The following OSBPL2 variants were observed in gnomAD, a reference collection of about 807,000 sequenced individuals.
The protein encoded by OSBPL2 is oxysterol binding protein like 2.
OSBPL2 carries 18 observed loss-of-function variants against 58.4 expected under a neutral mutation model. That is an observed-to-expected ratio of 0.31 (90% CI 0.21 to 0.46). The LOEUF (loss-of-function observed/expected upper bound fraction) is 0.46. Ranked by LOEUF, OSBPL2 falls within the 20% of genes least tolerant of loss-of-function variation. OSBPL2 has a pLI of 1.00. For synonymous variants in OSBPL2, 221 were observed against 234.1 expected (o/e 0.94, Z 0.51); for missense variants, 461 against 616.5 (o/e 0.75, Z 2.67).
intron 13 of OSBPL2, among the ~76,000 whole-genome samples, chr20:62,293,310 C>T (rs533846420): frequency 1.2e-4 from 18 of 152,208 alleles, no homozygotes; most frequent in Non-Finnish European, 2.2e-4. Flanking sequence ...GAGTGCCAGC[C>T]GGGGGCTGTG....
Position 62,241,245 on chromosome 20 carries a change from A to G in OSBPL2, c.-129+2648A>G, listed in dbSNP as rs370731242. Among the ~76,000 whole-genome samples, 13 of 152,024 alleles carry G rather than the reference A, an allele frequency of 8.6e-5. No homozygotes were observed. In the East Asian group the frequency reaches 2.1e-3, roughly 25 times the overall value. ...GAGTGCAGTGGCGCGAACTCGGCTC[A>G]CTGCAAACGCGAACTCAGCTCACTG... On this transcript the variant is annotated intron_variant, in intron 1 of 13. Transcript: ENST00000313733.
chr20:62,256,635 C>T (rs1234051801), intron 2 of OSBPL2, among the ~76,000 whole-genome samples: 4 of 152,188 alleles, frequency 2.6e-5, no homozygotes, highest in Admixed American at 6.5e-5. Context: ...TTTTTTCTTT[C>T]GCACGATGGT....
Position 62,273,919 on chromosome 20 carries a change from C to A in OSBPL2, c.491+513C>A, listed in dbSNP as rs1468045669. ...TTTAGGAAGGGTCAGACGGCTCTGG[C>A]CAAGGGAGAGTTAACCAGACCACGC... On this transcript the variant is annotated intron_variant, in intron 6 of 13. Coordinates refer to ENST00000313733, the MANE Select transcript of OSBPL2 (RefSeq NM_144498.4). 3.9e-5 allele frequency among the ~76,000 whole-genome samples: 6 copies of A among 152,202 alleles called. 1 individual carries two copies. The highest frequency in any genetic ancestry group is 3.3e-4 in the Admixed American group (5 of 15,288).
chr20:62,272,656 C>T (rs570142214), intron 5 of OSBPL2, among the ~76,000 whole-genome samples: 2 of 152,248 alleles, frequency 1.3e-5, no homozygotes, highest in South Asian at 2.1e-4. Context: ...CCCAACACTT[C>T]GGGAGGCTGA....
Position 62,260,087 on chromosome 20 carries a change from G to A in OSBPL2, c.144G>A (p.Gly48=), listed in dbSNP as rs1042266944. The change falls in exon 3 of 14, where the codon GGG becomes GGA. Residue 48 remains glycine (G), a synonymous_variant. Coordinates refer to ENST00000313733, the MANE Select transcript of OSBPL2 (RefSeq NM_144498.4). ...AAAATAATAGGATTGGGAAAACTGG[G>A]GAGAGGCCCTCTCAAGAGAACGGAA... ...TSKNNRIGKT[G]ERPSQENGIQ... is the part of the protein sequence containing the mutation. 2 of 1,613,808 alleles carry A rather than the reference G, an allele frequency of 1.2e-6. No homozygotes were observed. The highest frequency in any genetic ancestry group is 8.5e-7 in the Non-Finnish European group (1 of 1,179,878).
At chr20:62,272,459 T>G (rs1982125086) in intron 5 of OSBPL2, among the ~76,000 whole-genome samples, 200 bp downstream of exon 5, 1 of 152,100 alleles carries the variant, frequency 6.6e-6, no homozygotes, top group African/African-American at 2.4e-5. Context: ...GAAATGCCAT[T>G]GAGCTCTCAG....
chr20:62,251,865 C>CTTTTTTTTTTTTTTTTTTTTTTT lies in OSBPL2; in HGVS notation c.-128-4183_-128-4161dup, dbSNP rs147891445. ...TCAAGCGTCATTTTAATTGGTATGC[C>CTTTTTTTTTTTTTTTTTTTTTTT]TTTTTTTTTTTTTTTTTTTTTTTTT... On this transcript the variant is annotated intron_variant, in intron 1 of 13. Coordinates refer to ENST00000313733, the MANE Select transcript of OSBPL2 (RefSeq NM_144498.4). Among the ~76,000 whole-genome samples, 26 of 41,770 alleles carry CTTTTTTTTTTTTTTTTTTTTTTT rather than the reference C, an allele frequency of 6.2e-4. 7 individuals carry two copies. The highest frequency in any genetic ancestry group is 9.1e-4 in the Non-Finnish European group (23 of 25,258). The allele number at this position is 41,770 out of a possible 152,430, so 27.4% of individuals were successfully genotyped here.
At chr20:62,257,641 C>T (rs1236911451) in intron 2 of OSBPL2, among the ~76,000 whole-genome samples, 1 of 152,036 alleles carries the variant, frequency 6.6e-6, no homozygotes, top group Admixed American at 6.6e-5. Flanking sequence ...TCCCTCCTCT[C>T]CTGGGAGTCT....
chr20:62,293,288 C>T (rs1324432640), intron 13 of OSBPL2, among the ~76,000 whole-genome samples: 2 of 152,280 alleles, frequency 1.3e-5, no homozygotes, highest in African/African-American at 2.4e-5. Flanking sequence ...CTAAGGACAC[C>T]CCTCGGGCCC....
At position 62,256,070 on chromosome 20, in the gene OSBPL2, A is replaced by T. The variant is rs1395706208; in HGVS notation, c.-115A>T. The T allele has an allele frequency of 3.9e-6, 5 of 1,297,586 alleles. No homozygotes were observed. The Admixed American group carries it at 1.2e-4, about 31-fold the overall frequency. The allele number at this position is 1,297,586 out of a possible 1,614,324, so 80.4% of individuals were successfully genotyped here. ...TTTTCCCTTTAGATCTTCAGTGTCT[A>T]TTGGATTTTTCCAAGAGAAAGTTTG... On this transcript the variant is annotated 5_prime_UTR_variant, in exon 2 of 14. Coordinates refer to ENST00000313733, the MANE Select transcript of OSBPL2 (RefSeq NM_144498.4).
At chr20:62,257,575 C>G (rs935421966) in intron 2 of OSBPL2, among the ~76,000 whole-genome samples, 1 of 152,160 alleles carries the variant, frequency 6.6e-6, no homozygotes, top group African/African-American at 2.4e-5. Flanking sequence ...CTCTCACACC[C>G]TTGGGCTGAC....
At chr20:62,251,906 G>A (rs1487137474) in intron 1 of OSBPL2, among the ~76,000 whole-genome samples, 3 of 101,910 alleles carry the variant, frequency 2.9e-5, no homozygotes, top group Non-Finnish European at 5.4e-5. Flanking sequence ...TCTGGAGACA[G>A]GGTCTTGCTC....
chr20:62,249,875 CA>C (rs1980405904), intron 1 of OSBPL2, among the ~76,000 whole-genome samples: 2 of 152,236 alleles, frequency 1.3e-5, no homozygotes, highest in South Asian at 4.1e-4. Context: ...CACCTGGCCC[CA>C]CCCAGGCCTC....
At chr20:62,239,329 C>A (rs184217388) in intron 1 of OSBPL2, among the ~76,000 whole-genome samples, 1 of 152,238 alleles carries the variant, frequency 6.6e-6, no homozygotes, top group Non-Finnish European at 1.5e-5. Context: ...TTTTGGTACT[C>A]AGAAGAATAC....
chr20:62,277,962 G>A (rs1017850323), intron 6 of OSBPL2, among the ~76,000 whole-genome samples: 6 of 152,204 alleles, frequency 3.9e-5, no homozygotes, highest in Non-Finnish European at 7.3e-5. Context: ...ACCCCCTTCA[G>A]AAAGGGTTTA....
chr20:62,289,487 C>G (rs146791341), intron 12 of OSBPL2, among the ~76,000 whole-genome samples, 157 bp downstream of exon 12: 379 of 152,372 alleles, frequency 2.5e-3, no homozygotes, highest in African/African-American at 8.1e-3. Context: ...GGCCTTCTAA[C>G]TAGGCTTCTC....
At chr20:62,262,717 CAA>C (rs1052116652) in intron 3 of OSBPL2, among the ~76,000 whole-genome samples, 3 of 152,202 alleles carry the variant, frequency 2.0e-5, no homozygotes, top group Non-Finnish European at 4.4e-5. Context: ...GCAGAGCAGA[CAA>C]GAGCTCGTGC....
chr20:62,286,749 C>T (rs1182926071), intron 11 of OSBPL2, 38 bp downstream of exon 11: 4 of 1,586,496 alleles, frequency 2.5e-6, no homozygotes, highest in Non-Finnish European at 3.4e-6. Flanking sequence ...TCTGCCTGCT[C>T]ATGTCACACC....
chr20:62,280,698 A>G (rs997098012), intron 7 of OSBPL2, among the ~76,000 whole-genome samples: 4 of 152,212 alleles, frequency 2.6e-5, no homozygotes, highest in Admixed American at 6.5e-5. Context: ...CCAGCTCCCC[A>G]GAAAGCCAGG....
Sources: gnomAD v4.1 joint callset for allele counts (sites outside exome capture counted in the v4.1 genomes callset) on GRCh38, gnomAD v4.1.1 for gene constraint, MANE v1.5 for transcripts, NCBI Gene and HGNC (gene_info 2026-07-23, HGNC 2026-07-21) for gene names.